CEP128: variants seen among roughly 807,000 people sequenced by gnomAD.
CEP128 encodes centrosomal protein 128, also known as centrosomal protein 128kDa.
CEP128 carries 132 observed loss-of-function variants against 156.7 expected under a neutral mutation model. The ratio of observed to expected loss-of-function variants is 0.84; its 90% confidence interval spans 0.73 to 0.97. CEP128 has a LOEUF of 0.97. Ranked by LOEUF, CEP128 falls within the 50% of genes least tolerant of loss-of-function variation. The pLI, the probability that CEP128 is intolerant of heterozygous loss-of-function variation, is 0.00. For synonymous variants in CEP128, 469 were observed against 448.9 expected (o/e 1.04, Z -0.57); for missense variants, 1,252 against 1,281.9 (o/e 0.98, Z 0.36).
In CEP128 at chr14:80,531,934, C is replaced by G. The variant is rs200107696; in HGVS notation, c.2881-1048G>C. Among the ~76,000 whole-genome samples the G allele has an allele frequency of 6.6e-5, 10 of 152,192 alleles. No homozygotes were observed. In the East Asian group the frequency reaches 1.9e-3, roughly 29 times the overall value. ...CTATCCCAGCCCCTACCATGAGGAC[C>G]CTGATGGCCACATGCTCCAGAAGGC... On this transcript the variant is annotated intron_variant, in intron 21 of 24. Transcript: ENST00000555265.
chr14:80,746,675 G>C (rs1899118292), intron 18 of CEP128, among the ~76,000 whole-genome samples: 1 of 152,194 alleles, frequency 6.6e-6, no homozygotes, highest in Non-Finnish European at 1.5e-5. Flanking sequence ...TGTGACCTTG[G>C]CTTGGCAATA....
intron 2 of CEP128, chr14:80,955,832 C>T (rs758059665): frequency 8.1e-6 from 13 of 1,614,098 alleles, no homozygotes; most frequent in Admixed American, 5.0e-5. Flanking sequence ...CCCAGCTTAC[C>T]GCCCAGTACG....
At chr14:80,838,086 T>C in intron 11 of CEP128, 118 bp downstream of exon 11, 1 of 683,122 alleles carries the variant, frequency 1.5e-6, no homozygotes, top group Non-Finnish European at 2.5e-6. Context: ...ATACATTCCT[T>C]AGGAAAACAT....
chr14:80,794,366 C>T (rs12882027), intron 13 of CEP128, among the ~76,000 whole-genome samples: 15,118 of 152,074 alleles, frequency 0.099, 1,243 homozygotes, highest in East Asian at 0.43. Context: ...ATTTTCTGGG[C>T]GACAGGTTTG....
chr14:80,627,047 A>C (rs1365014292), intron 19 of CEP128, among the ~76,000 whole-genome samples: 4 of 152,256 alleles, frequency 2.6e-5, no homozygotes, highest in Non-Finnish European at 5.9e-5. Flanking sequence ...CAAGATACTT[A>C]TTAGACCCAC....
chr14:80,767,323 G>A (rs1182145892), intron 16 of CEP128, among the ~76,000 whole-genome samples: 1 of 152,056 alleles, frequency 6.6e-6, no homozygotes, highest in Non-Finnish European at 1.5e-5. Context: ...CACATCAAGT[G>A]CTGGTCACAT....
intron 22 of CEP128, among the ~76,000 whole-genome samples, chr14:80,527,561 C>T (rs1889035755): frequency 6.6e-6 from 1 of 152,186 alleles, no homozygotes; most frequent in Admixed American, 6.5e-5. Context: ...TCTACAGTGA[C>T]TGACACCCTT....
At chr14:80,815,928 G>A (rs1323690714) in intron 13 of CEP128, among the ~76,000 whole-genome samples, 1 of 152,072 alleles carries the variant, frequency 6.6e-6, no homozygotes, top group Non-Finnish European at 1.5e-5. Flanking sequence ...AGACCCACGT[G>A]GAATAATAGA....
intron 21 of CEP128, among the ~76,000 whole-genome samples, chr14:80,539,120 A>T (rs1238706695): frequency 6.6e-6 from 1 of 152,214 alleles, no homozygotes; most frequent in Non-Finnish European, 1.5e-5. Context: ...TGCCTCAGAC[A>T]CTGTTCTAGA....
chr14:80,947,728 C>G (rs1886377839), intron 2 of CEP128, among the ~76,000 whole-genome samples: 2 of 152,106 alleles, frequency 1.3e-5, no homozygotes, highest in Admixed American at 1.3e-4. Flanking sequence ...AATGTGGTAA[C>G]AGAGAAGAAG....
chr14:80,900,973 G>A (rs1883523989), intron 6 of CEP128, among the ~76,000 whole-genome samples: 1 of 151,934 alleles, frequency 6.6e-6, no homozygotes, highest in Non-Finnish European at 1.5e-5. Context: ...TTGGGAGGCC[G>A]AGGCGGGCGG....
In CEP128 at chr14:80,784,965, TTCTGTTCGTGTTTTGTTTTCACAC is replaced by T. The variant is rs1183387011; in HGVS notation, c.2117_2140del (p.Ser706_Gln713del). ...AAAGTGCTTCATAAGCTCCTGGATA[TTCTGTTCGTGTTTTGTTTTCACAC>T]TCTGCAATGATGATGTGAGATCTTT... On this transcript the variant is annotated inframe_deletion, in exon 15 of 25. Coordinates refer to ENST00000555265, the MANE Select transcript of CEP128 (RefSeq NM_152446.5). The T allele has an allele frequency of 1.2e-6, 2 of 1,614,056 alleles. No homozygotes were observed. The highest frequency in any genetic ancestry group is 2.7e-5 in the African/African-American group (2 of 74,948).
intron 19 of CEP128, among the ~76,000 whole-genome samples, chr14:80,727,762 A>G (rs548876072): frequency 6.6e-6 from 1 of 152,308 alleles, no homozygotes; most frequent in African/African-American, 2.4e-5. Flanking sequence ...GCATATGAAA[A>G]AAGTTCAACA....
intron 23 of CEP128, among the ~76,000 whole-genome samples, chr14:80,512,574 C>A (rs981670859): frequency 2.0e-5 from 3 of 151,796 alleles, no homozygotes; most frequent in Non-Finnish European, 4.4e-5. Context: ...AGAATTTAGT[C>A]TATTTACATT....
intron 19 of CEP128, among the ~76,000 whole-genome samples, chr14:80,727,732 G>C (rs1898073728): frequency 1.3e-5 from 2 of 151,948 alleles, no homozygotes; most frequent in Admixed American, 6.6e-5. Flanking sequence ...ACTTCTCAAA[G>C]GAAGACATGC....
chr14:80,821,642 C>CAT (rs1885189880), intron 13 of CEP128, among the ~76,000 whole-genome samples: 2 of 128,984 alleles, frequency 1.6e-5, no homozygotes, highest in Non-Finnish European at 3.3e-5. Context: ...CACACACACA[C>CAT]ATGCACACAA....
intron 20 of CEP128, among the ~76,000 whole-genome samples, chr14:80,579,330 CTT>C (rs879630082): frequency 2.8e-5 from 4 of 144,366 alleles, no homozygotes; most frequent in Non-Finnish European, 3.1e-5. Flanking sequence ...AACCAATGCT[CTT>C]TTTTTTTTTT....
intron 18 of CEP128, among the ~76,000 whole-genome samples, chr14:80,751,342 T>G (rs1340492039): frequency 6.6e-6 from 1 of 152,178 alleles, no homozygotes; most frequent in Non-Finnish European, 1.5e-5. Context: ...AATATCAACC[T>G]ATGGAAATTT....
At chr14:80,590,290 A>G (rs1025000757) in intron 19 of CEP128, among the ~76,000 whole-genome samples, 4 of 152,166 alleles carry the variant, frequency 2.6e-5, no homozygotes, top group African/African-American at 9.7e-5. Flanking sequence ...ATATAAGGAA[A>G]TCCACATGAA....
Sources: gnomAD v4.1 joint callset for allele counts (sites outside exome capture counted in the v4.1 genomes callset) on GRCh38, gnomAD v4.1.1 for gene constraint, MANE v1.5 for transcripts, NCBI Gene and HGNC (gene_info 2026-07-23, HGNC 2026-07-21) for gene names.